Variants in AP3B1 observed in about 807,000 individuals in gnomAD.
The protein encoded by AP3B1 is adaptor related protein complex 3 subunit beta 1.
A neutral mutation model predicts 132.5 loss-of-function variants in AP3B1; 61 were observed. That is an observed-to-expected ratio of 0.46 (90% CI 0.37 to 0.57). The LOEUF is 0.57. Among genes scored for constraint, AP3B1 ranks in the 20% least tolerant of loss-of-function variants. The pLI is 0.00. For missense variants in AP3B1, 1,120 were observed against 1,289.4 expected (o/e 0.87, Z 2.01); for synonymous variants, 388 against 438.3 (o/e 0.89, Z 1.43).
At chr5:78,061,250 T>C (rs1749043654) in intron 22 of AP3B1, among the ~76,000 whole-genome samples, 1 of 150,948 alleles carries the variant, frequency 6.6e-6, no homozygotes. Flanking sequence ...GAAAAGGTAT[T>C]GTTTTCTAAG....
chr5:78,239,778 C>CAAAA (rs560151932), intron 3 of AP3B1, among the ~76,000 whole-genome samples: 1 of 77,320 alleles, frequency 1.3e-5, no homozygotes, highest in African/African-American at 4.9e-5. Flanking sequence ...GACTCTGTCT[C>CAAAA]AAAAAAAAAA....
intron 1 of AP3B1, among the ~76,000 whole-genome samples, chr5:78,292,279 A>T (rs541961278): frequency 6.6e-5 from 10 of 152,342 alleles, no homozygotes; most frequent in African/African-American, 2.4e-4. Context: ...GACCACTTCC[A>T]GAACAGGGGT....
rs183061756 is a variant in AP3B1 at position 78,213,525 on chromosome 5, G to A, written c.786+2530C>T. On this transcript the variant is annotated intron_variant, in intron 7 of 26. Transcript: ENST00000255194. ...CACACTGCTTCTGAACTGAACATAT[G>A]TACGTATGTAGACAAAAGCCTGTTA... Among the ~76,000 whole-genome samples, 100 of 152,278 alleles carry A rather than the reference G, an allele frequency of 6.6e-4. No homozygotes were observed. The Middle Eastern group carries it at 0.01, about 16-fold the overall frequency.
intron 22 of AP3B1, among the ~76,000 whole-genome samples, chr5:78,045,480 TC>T: frequency 6.6e-6 from 1 of 152,136 alleles, no homozygotes; most frequent in East Asian, 1.9e-4. Flanking sequence ...GCCAAACTTC[TC>T]CAGCATCTAG....
In AP3B1 at chr5:78,091,569, G is replaced by A. The variant is rs1029605227; in HGVS notation, c.2471-2070C>T. Among the ~76,000 whole-genome samples, 4 of 152,274 alleles carry A rather than the reference G, an allele frequency of 2.6e-5. No individual in the cohort carries two copies. The East Asian group carries it at 7.7e-4, about 29-fold the overall frequency. On this transcript the variant is annotated intron_variant, in intron 21 of 26. Coordinates refer to ENST00000255194, the MANE Select transcript of AP3B1 (RefSeq NM_003664.5). The stretch of plus-strand genomic sequence containing the variant: ...GGATCACTGGAGAAGGAGTGGAAGA[G>A]GAGGCTTCATGAACAGGAGGGAATG...
intron 22 of AP3B1, among the ~76,000 whole-genome samples, chr5:78,076,317 T>C (rs1388035685): frequency 6.6e-6 from 1 of 152,246 alleles, no homozygotes; most frequent in Non-Finnish European, 1.5e-5. Flanking sequence ...CTTCATATTC[T>C]GGTCTGAATA....
chr5:78,119,391 C>T (rs1159825905), intron 17 of AP3B1, among the ~76,000 whole-genome samples: 2 of 152,072 alleles, frequency 1.3e-5, no homozygotes, highest in Admixed American at 6.6e-5. Flanking sequence ...CAAACTACTC[C>T]AAGCTACAGG....
intron 22 of AP3B1, among the ~76,000 whole-genome samples, chr5:78,049,092 T>G (rs1362932354): frequency 2.6e-5 from 4 of 152,220 alleles, no homozygotes. Context: ...CAAGGCTACT[T>G]AATTCTACCT....
chr5:78,289,758 T>C (rs1476773191), intron 1 of AP3B1, among the ~76,000 whole-genome samples: 1 of 152,208 alleles, frequency 6.6e-6, no homozygotes, highest in Non-Finnish European at 1.5e-5. Context: ...TCATACTTTA[T>C]ATCCTGTTGT....
At chr5:78,179,430 T>G (rs1744277936) in intron 8 of AP3B1, among the ~76,000 whole-genome samples, 1 of 152,196 alleles carries the variant, frequency 6.6e-6, no homozygotes, top group East Asian at 1.9e-4. Flanking sequence ...TTTTCCTCGG[T>G]ATTTAGAAAT....
chr5:78,016,163 T>C (rs1042027918), intron 25 of AP3B1, among the ~76,000 whole-genome samples: 1 of 151,696 alleles, frequency 6.6e-6, no homozygotes, highest in Non-Finnish European at 1.5e-5. Context: ...AAAACACTAA[T>C]TGAAACTCCT....
At chr5:78,098,984 G>GA (rs1751016945) in intron 21 of AP3B1, among the ~76,000 whole-genome samples, 1 of 152,196 alleles carries the variant, frequency 6.6e-6, no homozygotes, top group Non-Finnish European at 1.5e-5. Flanking sequence ...AATTCGTGTT[G>GA]AAACCTAATC....
chr5:78,111,173 T>C (rs913354475), intron 19 of AP3B1, among the ~76,000 whole-genome samples: 4 of 152,200 alleles, frequency 2.6e-5, no homozygotes, highest in African/African-American at 9.7e-5. Context: ...CTTAAACACA[T>C]TCTATGAGAA....
chr5:78,046,722 C>A (rs1378121881), intron 22 of AP3B1, among the ~76,000 whole-genome samples: 3 of 150,814 alleles, frequency 2.0e-5, no homozygotes, highest in African/African-American at 7.4e-5. Context: ...TTTTAAAATA[C>A]TTTAAGTTCT....
intron 26 of AP3B1, among the ~76,000 whole-genome samples, chr5:78,005,587 G>A (rs995808712): frequency 6.6e-6 from 1 of 152,196 alleles, no homozygotes; most frequent in Non-Finnish European, 1.5e-5. Context: ...AATCATCCTA[G>A]CAACATAATC....
chr5:78,269,990 G>A (rs112327605), intron 1 of AP3B1, among the ~76,000 whole-genome samples: 3,841 of 151,788 alleles, frequency 0.025, 102 homozygotes, highest in East Asian at 0.14. Context: ...CTCCGCTCAC[G>A]CAACCTCCGC....
intron 22 of AP3B1, among the ~76,000 whole-genome samples, chr5:78,064,683 TG>T (rs1749205866): frequency 6.6e-6 from 1 of 152,312 alleles, no homozygotes; most frequent in Admixed American, 6.5e-5. Flanking sequence ...CAGCTTACCA[TG>T]CTGTATTTTT....
intron 24 of AP3B1, among the ~76,000 whole-genome samples, chr5:78,030,653 T>G (rs1747537858): frequency 6.6e-6 from 1 of 152,180 alleles, no homozygotes; most frequent in African/African-American, 2.4e-5. Flanking sequence ...AAGGCTTGCG[T>G]GTTTCTTTTG....
chr5:78,258,745 T>C (rs1747952505), intron 2 of AP3B1, among the ~76,000 whole-genome samples: 1 of 152,212 alleles, frequency 6.6e-6, no homozygotes, highest in Non-Finnish European at 1.5e-5. Context: ...CGCACTCCAA[T>C]GCTCGCTGCA....
Sources: allele counts gnomAD v4.1 joint callset (sites outside exome capture counted in the v4.1 genomes callset), GRCh38; gene constraint gnomAD v4.1.1; transcripts MANE v1.5; gene names NCBI Gene and HGNC (gene_info 2026-07-23, HGNC 2026-07-21).